LDAH: variants seen among roughly 807,000 people sequenced by gnomAD.
LDAH encodes lipid droplet associated hydrolase.
Under a neutral mutation model 29.6 loss-of-function variants are expected in LDAH, and 26 were observed. The observed-to-expected ratio is 0.88, with a 90% confidence interval of 0.64 to 1.22. LDAH has a LOEUF of 1.22. LDAH is among the 50% of genes most tolerant of loss of function. The pLI, the probability that LDAH is intolerant of heterozygous loss-of-function variation, is 0.00. For synonymous variants in LDAH, 117 were observed against 133.0 expected (o/e 0.88, Z 0.83); for missense variants, 344 against 387.3 (o/e 0.89, Z 0.94).
chr2:20,714,824 T>C (rs917552525), intron 5 of LDAH, among the ~76,000 whole-genome samples: 1 of 152,120 alleles, frequency 6.6e-6, no homozygotes, highest in African/African-American at 2.4e-5. Context: ...CTCCCAAGAC[T>C]AAGCCAGGAA....
At chr2:20,770,824 G>C (rs1426312699) in intron 4 of LDAH, among the ~76,000 whole-genome samples, 1 of 152,088 alleles carries the variant, frequency 6.6e-6, no homozygotes, top group Non-Finnish European at 1.5e-5. Flanking sequence ...ATACCAGTAT[G>C]CCCCACCCCA....
At chr2:20,688,489 G>T (rs2149324151) in intron 6 of LDAH, among the ~76,000 whole-genome samples, 1 of 152,292 alleles carries the variant, frequency 6.6e-6, no homozygotes, top group East Asian at 1.9e-4. Flanking sequence ...ACATGCTGAG[G>T]TCCCTATGTC....
intron 4 of LDAH, among the ~76,000 whole-genome samples, chr2:20,750,023 C>CTT (rs147397062): frequency 0.037 from 4,699 of 126,986 alleles, 287 homozygotes; most frequent in African/African-American, 0.12. Flanking sequence ...CCTTACTAAA[C>CTT]TTTTTTTTTT....
chr2:20,810,676 G>C (rs1047034822), intron 1 of LDAH, among the ~76,000 whole-genome samples: 2 of 152,150 alleles, frequency 1.3e-5, no homozygotes, highest in Admixed American at 1.3e-4. Context: ...TGCTTTAGAG[G>C]GGGACATAGT....
intron 1 of LDAH, among the ~76,000 whole-genome samples, chr2:20,810,527 G>A (rs1221160075): frequency 1.3e-5 from 2 of 152,202 alleles, no homozygotes; most frequent in Non-Finnish European, 2.9e-5. Context: ...AAGTCATATT[G>A]TAAAAAGAAC....
intron 5 of LDAH, among the ~76,000 whole-genome samples, chr2:20,722,292 A>G (rs1665703845): frequency 6.7e-6 from 1 of 149,198 alleles, no homozygotes; most frequent in African/African-American, 2.5e-5. Flanking sequence ...AGAGAGGAGA[A>G]TTGCTTAAAC....
At chr2:20,738,291 T>TAATA (rs1263365814) in intron 5 of LDAH, among the ~76,000 whole-genome samples, 2 of 129,428 alleles carry the variant, frequency 1.5e-5, no homozygotes, top group African/African-American at 6.7e-5. Flanking sequence ...AATAATAATA[T>TAATA]ATAGATTCTT....
At chr2:20,757,832 T>G (rs633808) in intron 4 of LDAH, among the ~76,000 whole-genome samples, 54,949 of 151,910 alleles carry the variant, frequency 0.36, 11,227 homozygotes, top group Middle Eastern at 0.61. Flanking sequence ...AAACATCAGC[T>G]CTTCCTGGGT....
intron 4 of LDAH, among the ~76,000 whole-genome samples, chr2:20,774,009 CTG>C (rs1669617133): frequency 6.6e-6 from 1 of 152,200 alleles, no homozygotes; most frequent in Non-Finnish European, 1.5e-5. Context: ...ACTTCAAAGA[CTG>C]TCTTACTCTC....
At chr2:20,814,147 T>C (rs1286531869) in intron 1 of LDAH, among the ~76,000 whole-genome samples, 5 of 150,582 alleles carry the variant, frequency 3.3e-5, no homozygotes, top group African/African-American at 1.2e-4. Flanking sequence ...TTAACATATA[T>C]TATTTTTCAT....
intron 4 of LDAH, among the ~76,000 whole-genome samples, chr2:20,755,431 G>A (rs532936468): frequency 7.2e-4 from 110 of 152,162 alleles, no homozygotes; most frequent in South Asian, 4.6e-3. Flanking sequence ...TCATTTTTAT[G>A]CTTATTACCA....
chr2:20,816,714 C>G (rs1672874972), intron 1 of LDAH, among the ~76,000 whole-genome samples: 1 of 151,924 alleles, frequency 6.6e-6, no homozygotes, highest in Non-Finnish European at 1.5e-5. Context: ...ACACCACCAT[C>G]AATGAACAGG....
chr2:20,764,593 C>T (rs1320629940), intron 4 of LDAH, among the ~76,000 whole-genome samples: 4 of 152,230 alleles, frequency 2.6e-5, no homozygotes, highest in Admixed American at 1.3e-4. Flanking sequence ...TCAGTTCTCT[C>T]TGAACTCCTC....
At chr2:20,775,551 A>G (rs1254584396) in intron 3 of LDAH, among the ~76,000 whole-genome samples, 2 of 152,212 alleles carry the variant, frequency 1.3e-5, no homozygotes, top group African/African-American at 2.4e-5. Flanking sequence ...GACAACTAAG[A>G]AAGTCCATGA....
intron 5 of LDAH, among the ~76,000 whole-genome samples, chr2:20,711,385 A>C (rs1464730054): frequency 1.4e-5 from 2 of 139,466 alleles, no homozygotes; most frequent in African/African-American, 5.6e-5. Context: ...AGTCCGTATC[A>C]AAAAAAAAAA....
At chr2:20,802,346 C>G (rs1454259299) in intron 1 of LDAH, among the ~76,000 whole-genome samples, 2 of 152,106 alleles carry the variant, frequency 1.3e-5, no homozygotes, top group East Asian at 1.9e-4. Flanking sequence ...AGGCATGAGC[C>G]ATCACATCCA....
intron 3 of LDAH, among the ~76,000 whole-genome samples, chr2:20,781,410 T>C (rs1197092288): frequency 6.6e-6 from 1 of 152,244 alleles, no homozygotes; most frequent in East Asian, 1.9e-4. Context: ...TGATGTGTGG[T>C]AATAGCTTAT....
intron 4 of LDAH, among the ~76,000 whole-genome samples, chr2:20,753,078 C>G (rs751920274): frequency 3.9e-5 from 6 of 152,226 alleles, no homozygotes; most frequent in Non-Finnish European, 8.8e-5. Flanking sequence ...CCACCTTAAA[C>G]TCTAGTTTCA....
intron 4 of LDAH, among the ~76,000 whole-genome samples, chr2:20,769,965 C>G (rs964913278): frequency 1.3e-5 from 2 of 152,126 alleles, no homozygotes; most frequent in Non-Finnish European, 2.9e-5. Flanking sequence ...CTAAAATAGA[C>G]ATACATGAAA....
Sources: allele counts gnomAD v4.1 joint callset (sites outside exome capture counted in the v4.1 genomes callset), GRCh38; gene constraint gnomAD v4.1.1; transcripts MANE v1.5; gene names NCBI Gene and HGNC (gene_info 2026-07-23, HGNC 2026-07-21).